EYS: variants seen among roughly 807,000 people sequenced by gnomAD.
EYS encodes protein eyes shut homolog.
Under a neutral mutation model 282.1 loss-of-function variants are expected in EYS, and 250 were observed. The ratio of observed to expected loss-of-function variants is 0.89; its 90% confidence interval spans 0.80 to 0.98. The LOEUF is 0.98. Among genes scored for constraint, EYS ranks in the 50% least tolerant of loss-of-function variants. EYS has a pLI of 0.00. For synonymous variants in EYS, 1,355 were observed against 1,282.9 expected (o/e 1.06, Z -1.20); for missense variants, 4,016 against 3,709.0 (o/e 1.08, Z -2.15).
intron 8 of EYS, among the ~76,000 whole-genome samples, chr6:65,371,064 T>C (rs1427481723): frequency 6.6e-6 from 1 of 151,788 alleles, no homozygotes; most frequent in Non-Finnish European, 1.5e-5. Flanking sequence ...GGAGTGTGGC[T>C]GGTTCTCCTT....
chr6:65,618,483 T>C (rs1300341863), intron 2 of EYS, among the ~76,000 whole-genome samples: 1 of 152,192 alleles, frequency 6.6e-6, no homozygotes, highest in African/African-American at 2.4e-5. Flanking sequence ...GTTGCAAAAA[T>C]TTTTTCCTAT....
chr6:65,498,840 G>T (rs1766347720), intron 2 of EYS, among the ~76,000 whole-genome samples: 1 of 151,852 alleles, frequency 6.6e-6, no homozygotes, highest in Admixed American at 6.6e-5. Context: ...CATTTATAAA[G>T]ACATTCTTCA....
intron 12 of EYS, among the ~76,000 whole-genome samples, chr6:65,285,755 A>G (rs1046452885): frequency 1.3e-5 from 2 of 152,002 alleles, no homozygotes; most frequent in African/African-American, 4.8e-5. Flanking sequence ...TATTACTGTC[A>G]TATCACATTG....
chr6:64,473,657 T>C (rs1408154955), intron 26 of EYS, among the ~76,000 whole-genome samples: 2 of 152,134 alleles, frequency 1.3e-5, no homozygotes. Flanking sequence ...TCCATTACCT[T>C]TTGATAGATG....
intron 13 of EYS, among the ~76,000 whole-genome samples, chr6:65,056,800 T>C (rs1773429860): frequency 1.3e-5 from 2 of 152,070 alleles, no homozygotes; most frequent in East Asian, 3.9e-4. Context: ...TGGCAGACAT[T>C]GTGGTATTTA....
chr6:64,774,169 C>T (rs570326937), intron 22 of EYS, among the ~76,000 whole-genome samples: 21 of 152,038 alleles, frequency 1.4e-4, no homozygotes, highest in African/African-American at 3.9e-4. Context: ...ATTCTACCCA[C>T]GTGATCCTGG....
At chr6:65,466,416 AC>A (rs1765002473) in intron 5 of EYS, among the ~76,000 whole-genome samples, 2 of 152,156 alleles carry the variant, frequency 1.3e-5, no homozygotes, top group Admixed American at 1.3e-4. Flanking sequence ...TTTATTAGAA[AC>A]AAATTCATTC....
chr6:65,392,496 C>A (rs1274831594), intron 7 of EYS, among the ~76,000 whole-genome samples: 1 of 152,066 alleles, frequency 6.6e-6, no homozygotes, highest in African/African-American at 2.4e-5. Flanking sequence ...ACAACCCCAT[C>A]AAAAAGTGGG....
chr6:65,110,464 G>T (rs1474210825), intron 12 of EYS, among the ~76,000 whole-genome samples: 1 of 152,102 alleles, frequency 6.6e-6, no homozygotes, highest in African/African-American at 2.4e-5. Flanking sequence ...TTTTAAGGTG[G>T]AAGGTAAAAC....
chr6:65,397,583 GGTGTGTGTGTGTGTGT>G lies in EYS; in HGVS notation c.1184+4879_1184+4894del, dbSNP rs58522364. Among the ~76,000 whole-genome samples, 252 of 138,284 alleles carry G rather than the reference GGTGTGTGTGTGTGTGT, an allele frequency of 1.8e-3. 1 individual carries two copies. Among genetic ancestry groups the G allele is most frequent in the Non-Finnish European group, 2.6e-3 (165 of 64,004 alleles). 90.7% of individuals were successfully genotyped at this position (138,284 alleles called of 152,430 possible). A position where few individuals can be genotyped will look rare whatever the true frequency, so the allele number is the denominator to read the frequency against. ...TTTGGGTGGCTAAGTTGTATTTCATGGTGTGTGTGTGTGTGTGTGTGTGTGTGTGTGTGTGTGTGTG... is the reference window on the plus strand; with the variant it reads ...TTTGGGTGGCTAAGTTGTATTTCATGGTGTGTGTGTGTGTGTGTGTGTGTG... On this transcript the variant is annotated intron_variant, in intron 7 of 42. Transcript: ENST00000503581.
intron 19 of EYS, among the ~76,000 whole-genome samples, chr6:64,868,650 C>A (rs1188399150): frequency 6.6e-6 from 1 of 151,288 alleles, no homozygotes; most frequent in Non-Finnish European, 1.5e-5. Flanking sequence ...CATAATAAAC[C>A]AGAGAAGGTC....
intron 5 of EYS, among the ~76,000 whole-genome samples, chr6:65,416,071 G>A (rs1356487846): frequency 1.3e-5 from 2 of 151,860 alleles, no homozygotes; most frequent in Non-Finnish European, 2.9e-5. Flanking sequence ...AATTGCACAA[G>A]AAGAGAAAGG....
chr6:64,126,797 A>G (rs1416536927), intron 31 of EYS, among the ~76,000 whole-genome samples: 1 of 151,652 alleles, frequency 6.6e-6, no homozygotes, highest in South Asian at 2.1e-4. Context: ...ATATATTTAC[A>G]TATATTTAAA....
chr6:64,594,208 T>G (rs1319664583), intron 24 of EYS, among the ~76,000 whole-genome samples: 1 of 152,156 alleles, frequency 6.6e-6, no homozygotes, highest in African/African-American at 2.4e-5. Flanking sequence ...AAATGTCAGA[T>G]GATTCCTAAT....
At chr6:65,642,648 C>T (rs979701338) in intron 1 of EYS, among the ~76,000 whole-genome samples, 11 of 152,108 alleles carry the variant, frequency 7.2e-5, no homozygotes, top group African/African-American at 2.7e-4. Flanking sequence ...ATAGATAGGT[C>T]AATACAAATA....
rs546020205 is a variant in EYS, at chr6:64,625,220, GA to G, written c.3568+900del. Among the ~76,000 whole-genome samples the G allele has an allele frequency of 4.6e-5, 7 of 151,854 alleles. No homozygotes were observed. In the East Asian group the frequency reaches 1.2e-3, roughly 25 times the overall value. Reference sequence around the variant, plus strand: ...GTTAGAGAACTAAAGAAAAAAGAAGGAAAAAAATGCATGATCAACAATCACT... The same window carrying G: ...GTTAGAGAACTAAAGAAAAAAGAAGGAAAAAATGCATGATCAACAATCACT... On this transcript the variant is annotated intron_variant, in intron 23 of 42. Coordinates refer to ENST00000503581, the MANE Select transcript of EYS (RefSeq NM_001142800.2).
intron 5 of EYS, among the ~76,000 whole-genome samples, chr6:65,435,193 T>A (rs980106510): frequency 6.6e-6 from 1 of 151,942 alleles, no homozygotes; most frequent in Non-Finnish European, 1.5e-5. Flanking sequence ...AACAACATGT[T>A]TAAAATGTTA....
intron 22 of EYS, among the ~76,000 whole-genome samples, chr6:64,811,462 T>C (rs1419309032): frequency 6.6e-6 from 1 of 151,922 alleles, no homozygotes; most frequent in Non-Finnish European, 1.5e-5. Flanking sequence ...GTGGATAACT[T>C]TTCCCTAAAA....
chr6:65,234,668 A>G (rs1019639935), intron 12 of EYS, among the ~76,000 whole-genome samples: 1 of 152,230 alleles, frequency 6.6e-6, no homozygotes, highest in African/African-American at 2.4e-5. Flanking sequence ...CAAAGTATTT[A>G]TAATCCAATG....
Sources: gnomAD v4.1 joint callset for allele counts (sites outside exome capture counted in the v4.1 genomes callset) on GRCh38, gnomAD v4.1.1 for gene constraint, MANE v1.5 for transcripts, NCBI Gene and HGNC (gene_info 2026-07-23, HGNC 2026-07-21) for gene names.